The following ADGB variants were observed in gnomAD, a reference collection of about 807,000 sequenced individuals.
The protein encoded by ADGB is androglobin, also known as calpain-7-like protein.
Under a neutral mutation model 210.5 loss-of-function variants are expected in ADGB, and 172 were observed. That is an observed-to-expected ratio of 0.82 (90% CI 0.72 to 0.93). The LOEUF (loss-of-function observed/expected upper bound fraction) is 0.93, where lower values mean the gene tolerates loss of function less well. Ranked by LOEUF, ADGB falls within the 40% of genes least tolerant of loss-of-function variation. The pLI is 0.00. For missense variants in ADGB, 2,025 were observed against 1,964.8 expected (o/e 1.03, Z -0.58); for synonymous variants, 658 against 662.7 (o/e 0.99, Z 0.11).
At chr6:146,616,064 T>G (rs1186543577) in intron 1 of ADGB, among the ~76,000 whole-genome samples, 3 of 152,150 alleles carry the variant, frequency 2.0e-5, no homozygotes, top group Non-Finnish European at 2.9e-5. Context: ...TCAGCATTAT[T>G]GCCAGCATTT....
chr6:146,774,280 C>T lies in ADGB; in HGVS notation c.3862+5149C>T, dbSNP rs1269311887. Among the ~76,000 whole-genome samples, 6 of 151,776 alleles carry T rather than the reference C, an allele frequency of 4.0e-5. No individual in the cohort carries two copies. In the East Asian group the frequency reaches 1.2e-3, roughly 29 times the overall value. On this transcript the variant is annotated intron_variant, in intron 29 of 35. Transcript: ENST00000397944. ...ACACAGTAGTTTAATTCATGAAATA[C>T]AATAATGTAAATATGTAGAATTGGG...
intron 25 of ADGB, among the ~76,000 whole-genome samples, chr6:146,744,830 T>A (rs1414219373): frequency 1.3e-5 from 2 of 152,214 alleles, no homozygotes; most frequent in Non-Finnish European, 2.9e-5. Context: ...CAATATCTAA[T>A]CCCACCATTT....
At chr6:146,698,488 A>G (rs1027274175) in intron 12 of ADGB, among the ~76,000 whole-genome samples, 1 of 152,120 alleles carries the variant, frequency 6.6e-6, no homozygotes, top group African/African-American at 2.4e-5. Context: ...ATTCTATTTA[A>G]GTTTATAATA....
chr6:146,772,255 T>C (rs1777661887), intron 29 of ADGB, among the ~76,000 whole-genome samples: 1 of 151,910 alleles, frequency 6.6e-6, no homozygotes, highest in South Asian at 2.1e-4. Flanking sequence ...GAAGAGGTAT[T>C]TGTGAAAAAA....
In ADGB at chr6:146,701,490, C is replaced by A. The variant is rs552672602; in HGVS notation, c.1707+420C>A. Among the ~76,000 whole-genome samples the A allele has an allele frequency of 3.3e-5, 5 of 152,046 alleles. No individual in the cohort carries two copies. The East Asian group carries it at 7.7e-4, about 23-fold the overall frequency. Reference sequence around the variant, plus strand: ...GTGTTAGTGGCTGTATTAGTTGCTTCTTGTTTCTATTGTAAGAAATATTCT... The same window carrying A: ...GTGTTAGTGGCTGTATTAGTTGCTTATTGTTTCTATTGTAAGAAATATTCT... On this transcript the variant is annotated intron_variant, in intron 13 of 35. Coordinates refer to ENST00000397944, the MANE Select transcript of ADGB (RefSeq NM_024694.4).
chr6:146,790,876 T>A (rs73584873), intron 33 of ADGB, among the ~76,000 whole-genome samples: 5,603 of 152,256 alleles, frequency 0.037, 328 homozygotes, highest in African/African-American at 0.13. Context: ...TTTTTTATAA[T>A]AGCCAATGTA....
chr6:146,686,987 C>T (rs1776241674), intron 10 of ADGB, among the ~76,000 whole-genome samples: 1 of 152,060 alleles, frequency 6.6e-6, no homozygotes, highest in African/African-American at 2.4e-5. Flanking sequence ...CTGGGGGGCA[C>T]GTTGCTAACA....
intron 13 of ADGB, among the ~76,000 whole-genome samples, chr6:146,713,028 A>G (rs1286339413): frequency 6.6e-6 from 1 of 151,278 alleles, no homozygotes; most frequent in Non-Finnish European, 1.5e-5. Flanking sequence ...TGATTGACTT[A>G]TTTCATTTGG....
At chr6:146,675,357 C>A (rs1776070947) in intron 8 of ADGB, among the ~76,000 whole-genome samples, 1 of 151,888 alleles carries the variant, frequency 6.6e-6, no homozygotes, top group Non-Finnish European at 1.5e-5. Context: ...CACCTGTAGT[C>A]CCAGCTATTC....
chr6:146,763,328 G>C (rs933192733), intron 27 of ADGB, among the ~76,000 whole-genome samples: 1 of 152,130 alleles, frequency 6.6e-6, no homozygotes, highest in African/African-American at 2.4e-5. Context: ...ATATCCCTGT[G>C]TCAGTCACTT....
At chr6:146,670,226 G>A (rs547952447) in intron 7 of ADGB, among the ~76,000 whole-genome samples, 26 of 151,986 alleles carry the variant, frequency 1.7e-4, no homozygotes, top group African/African-American at 5.3e-4. Flanking sequence ...AGATCATATC[G>A]TTTTCCTCGC....
At chr6:146,748,512 C>T (rs1203820868) in intron 26 of ADGB, among the ~76,000 whole-genome samples, 1 of 152,112 alleles carries the variant, frequency 6.6e-6, no homozygotes, top group Non-Finnish European at 1.5e-5. Context: ...TTTGGTTATC[C>T]TTAGCTTTTA....
chr6:146,656,738 T>G (rs1165073452), intron 4 of ADGB, 33 bp from the exon 5 acceptor site: 2 of 1,427,340 alleles, frequency 1.4e-6, no homozygotes, highest in African/African-American at 1.4e-5. Flanking sequence ...AACTGAAAAA[T>G]AACCAATTAA....
intron 29 of ADGB, among the ~76,000 whole-genome samples, chr6:146,778,215 C>T (rs1760902436): frequency 6.6e-6 from 1 of 152,124 alleles, no homozygotes; most frequent in South Asian, 2.1e-4. Context: ...GAAGTTGTAG[C>T]TATGGCCAGT....
At chr6:146,619,285 T>C (rs912060406) in intron 1 of ADGB, among the ~76,000 whole-genome samples, 2 of 152,066 alleles carry the variant, frequency 1.3e-5, no homozygotes, top group African/African-American at 4.8e-5. Flanking sequence ...GAGTTTGTCA[T>C]AGACAGAATA....
intron 22 of ADGB, among the ~76,000 whole-genome samples, chr6:146,735,923 T>C (rs1215695537): frequency 6.6e-6 from 1 of 152,164 alleles, no homozygotes; most frequent in Non-Finnish European, 1.5e-5. Flanking sequence ...AAGCATATAA[T>C]AGACAAGTAA....
At chr6:146,602,144 G>C (rs1231478793) in intron 1 of ADGB, among the ~76,000 whole-genome samples, 2 of 152,114 alleles carry the variant, frequency 1.3e-5, no homozygotes, top group Non-Finnish European at 2.9e-5. Context: ...GTATCTGCCA[G>C]TATGAAATCA....
intron 27 of ADGB, among the ~76,000 whole-genome samples, chr6:146,762,979 A>G (rs1240352525): frequency 6.6e-6 from 1 of 152,154 alleles, no homozygotes; most frequent in African/African-American, 2.4e-5. Context: ...CACCATGTCT[A>G]TTTCTGAGCT....
chr6:146,721,490 TG>T lies in ADGB; in HGVS notation c.2086del (p.Glu696SerfsTer5). The T allele has an allele frequency of 1.9e-6, 3 of 1,547,310 alleles. No homozygotes were observed. Among genetic ancestry groups the T allele is most frequent in the East Asian group, 2.4e-5 (1 of 40,884 alleles). ...GGTTTGCTTTTCTGCATTGGTACGC[TG>T]GGGGGAGTATGGAGGTAAGAGGGCT... is the stretch of plus-strand genomic sequence containing the variant. ...LLVCFSALVR[W>X]GEYGALTKDS... On this transcript the variant is annotated frameshift_variant, in exon 17 of 36. Coordinates refer to ENST00000397944, the MANE Select transcript of ADGB (RefSeq NM_024694.4). LOFTEE classifies it high-confidence loss of function.
Sources: allele counts gnomAD v4.1 joint callset (sites outside exome capture counted in the v4.1 genomes callset), GRCh38; gene constraint gnomAD v4.1.1; transcripts MANE v1.5; gene names NCBI Gene and HGNC (gene_info 2026-07-23, HGNC 2026-07-21).